The following LPIN1 variants were observed in gnomAD, a reference collection of about 807,000 sequenced individuals.
LPIN1 encodes the protein phosphatidate phosphatase LPIN1.
In LPIN1, 71 loss-of-function variants were observed where a neutral mutation model predicts 107.5. The observed-to-expected ratio is 0.66, with a 90% CI of 0.55 to 0.80. The LOEUF (loss-of-function observed/expected upper bound fraction) is 0.80. Among genes scored for constraint, LPIN1 ranks in the 30% least tolerant of loss-of-function variants. The pLI is 0.00. For missense variants in LPIN1, 1,043 were observed against 1,160.6 expected (o/e 0.90, Z 1.47); for synonymous variants, 445 against 452.6 (o/e 0.98, Z 0.21).
chr2:11,760,953 A>G (rs977408046), intron 1 of LPIN1, among the ~76,000 whole-genome samples: 1 of 152,166 alleles, frequency 6.6e-6, no homozygotes, highest in Non-Finnish European at 1.5e-5. Context: ...GGTCACTTCA[A>G]AATCCAAAGA....
chr2:11,694,675 G>A (rs1662482656), intron 1 of LPIN1, among the ~76,000 whole-genome samples: 1 of 152,162 alleles, frequency 6.6e-6, no homozygotes, highest in South Asian at 2.1e-4. Flanking sequence ...CTAGCACAGG[G>A]CTGAGCACAT....
At chr2:11,678,621 G>C in intron 1 of LPIN1, among the ~76,000 whole-genome samples, 1 of 152,208 alleles carries the variant, frequency 6.6e-6, no homozygotes, top group East Asian at 1.9e-4. Context: ...TGGACCCCAA[G>C]CACTTGTCGC....
At chr2:11,719,960 A>C (rs1405147276), upstream of LPIN1, among the ~76,000 whole-genome samples, 1 of 152,052 alleles carries the variant, frequency 6.6e-6, no homozygotes, top group Non-Finnish European at 1.5e-5. Flanking sequence ...TGAATGGTGC[A>C]TTTTGGTGTA....
chr2:11,678,029 T>C (rs1212084705), intron 1 of LPIN1, among the ~76,000 whole-genome samples: 1 of 152,230 alleles, frequency 6.6e-6, no homozygotes, highest in Non-Finnish European at 1.5e-5. Context: ...AAATGGGACT[T>C]CAGAGCTTCG....
chr2:11,782,564 C>T, intron 8 of LPIN1, 57 bp downstream of exon 8: 1 of 1,596,574 alleles, frequency 6.3e-7, no homozygotes, highest in Non-Finnish European at 8.6e-7. Context: ...GCTCACTCTA[C>T]ACATGACAGG....
intron 1 of LPIN1, among the ~76,000 whole-genome samples, chr2:11,733,420 A>G (rs1665457209): frequency 6.6e-6 from 1 of 152,042 alleles, no homozygotes; most frequent in Admixed American, 6.6e-5. Flanking sequence ...ACAATCATGC[A>G]TTAGTATTGT....
intron 12 of LPIN1, among the ~76,000 whole-genome samples, chr2:11,791,146 AGTAAATTACTTATCT>A (rs1435177023): frequency 5.3e-5 from 8 of 152,292 alleles, no homozygotes; most frequent in African/African-American, 1.9e-4. Context: ...TAAGCTACAT[AGTAAATTACTTATCT>A]GTCTGCTTCC....
intron 5 of LPIN1, 27 bp downstream of exon 5, chr2:11,773,772 C>T (rs1672246404): frequency 6.2e-7 from 1 of 1,613,016 alleles, no homozygotes; most frequent in East Asian, 2.2e-5. Flanking sequence ...TCCCCTGGCC[C>T]AGTGCAGAGG....
intron 6 of LPIN1, among the ~76,000 whole-genome samples, chr2:11,776,630 T>C (rs1040191091): frequency 1.3e-5 from 2 of 152,262 alleles, no homozygotes; most frequent in Admixed American, 1.3e-4. Flanking sequence ...TAATTTATTA[T>C]AAACATTTAA....
chr2:11,815,690 G>C (rs751094537), intron 18 of LPIN1, among the ~76,000 whole-genome samples: 3 of 152,022 alleles, frequency 2.0e-5, no homozygotes, highest in Non-Finnish European at 4.4e-5. Flanking sequence ...TAAGTGGCCT[G>C]TCTGCGAACC....
At chr2:11,804,035 TC>T (rs2148700815) in intron 15 of LPIN1, among the ~76,000 whole-genome samples, 1 of 152,340 alleles carries the variant, frequency 6.6e-6, no homozygotes, top group African/African-American at 2.4e-5. Flanking sequence ...ATGATGATCT[TC>T]CTATTTAGTC....
chr2:11,750,854 G>A (rs1216472959), intron 1 of LPIN1, among the ~76,000 whole-genome samples: 2 of 152,168 alleles, frequency 1.3e-5, no homozygotes, highest in Admixed American at 6.5e-5. Flanking sequence ...CCAATTGCTG[G>A]GGTGTGGTAG....
Position 11,782,518 on chromosome 2 carries a change from TG to T in LPIN1, c.1264+15del. On this transcript the variant is annotated intron_variant, in intron 8 of 20. Coordinates refer to ENST00000674199, the MANE Select transcript of LPIN1 (RefSeq NM_001349206.2). ...CTTCCAGGAAAAGAGGTACCAAGGC[TG>T]GGGCTTCCCGGCTCTTTTTCTGTTC... 6.2e-7 allele frequency: 1 copy of T among 1,613,788 alleles called. No homozygotes were observed. Among genetic ancestry groups the T allele is most frequent in the Middle Eastern group, 1.7e-4 (1 of 5,742 alleles).
At chr2:11,717,739 T>C (rs1558746317) in intron 2 of LPIN1, among the ~76,000 whole-genome samples, 1 of 152,152 alleles carries the variant, frequency 6.6e-6, no homozygotes, top group Non-Finnish European at 1.5e-5. Context: ...AACTCATTTA[T>C]TCCTCACAAC....
At chr2:11,824,306 C>G (rs989834264) in intron 20 of LPIN1, among the ~76,000 whole-genome samples, 5 of 151,396 alleles carry the variant, frequency 3.3e-5, no homozygotes, top group African/African-American at 9.7e-5. Flanking sequence ...ATATGTGACC[C>G]CTGCAGCAGG....
intron 2 of LPIN1, among the ~76,000 whole-genome samples, chr2:11,766,764 C>A (rs1297244340): frequency 2.6e-5 from 2 of 78,070 alleles, no homozygotes; most frequent in African/African-American, 3.2e-4. Flanking sequence ...AGGCAAAAAA[C>A]AAACACAAAC....
At chr2:11,693,176 A>T (rs1662356445) in intron 1 of LPIN1, among the ~76,000 whole-genome samples, 2 of 151,702 alleles carry the variant, frequency 1.3e-5, no homozygotes, top group Non-Finnish European at 2.9e-5. Context: ...TCGTGGTCCA[A>T]AGGTCTGTCA....
chr2:11,755,301 C>T (rs1472389120), intron 1 of LPIN1, among the ~76,000 whole-genome samples: 1 of 152,080 alleles, frequency 6.6e-6, no homozygotes, highest in Non-Finnish European at 1.5e-5. Context: ...GTGCTTTTCC[C>T]CCTCGTGCCC....
At chr2:11,784,059 C>CT (rs1674034014) in intron 9 of LPIN1, 137 bp downstream of exon 9, 1 of 1,421,060 alleles carries the variant, frequency 7.0e-7, no homozygotes, top group Non-Finnish European at 9.6e-7. Context: ...AATCCCAGCA[C>CT]TTTGGGAGGC....
Sources: gnomAD v4.1 joint callset for allele counts (sites outside exome capture counted in the v4.1 genomes callset) on GRCh38, gnomAD v4.1.1 for gene constraint, MANE v1.5 for transcripts, NCBI Gene and HGNC (gene_info 2026-07-23, HGNC 2026-07-21) for gene names.